The following ACVR1B variants were observed in gnomAD, a reference collection of about 807,000 sequenced individuals.
The protein encoded by ACVR1B is activin A receptor type 1B, also known as activin receptor type-1B.
A neutral mutation model predicts 55.6 loss-of-function variants in ACVR1B; 15 were observed. That is an observed-to-expected ratio of 0.27 (90% CI 0.18 to 0.42). The LOEUF (loss-of-function observed/expected upper bound fraction) is 0.42, where lower values mean the gene tolerates loss of function less well. Among genes scored for constraint, ACVR1B ranks in the 10% least tolerant of loss-of-function variants. The pLI, the probability that ACVR1B is intolerant of heterozygous loss-of-function variation, is 1.00. For missense variants in ACVR1B, 359 were observed against 670.1 expected (o/e 0.54, Z 5.13); for synonymous variants, 247 against 254.6 (o/e 0.97, Z 0.28).
chr12:51,966,756 G>A (rs1025004345), intron 1 of ACVR1B, among the ~76,000 whole-genome samples: 1 of 152,086 alleles, frequency 6.6e-6, no homozygotes, highest in African/African-American at 2.4e-5. Flanking sequence ...TCTTGGATCT[G>A]GGTTTGAGCC....
intron 2 of ACVR1B, among the ~76,000 whole-genome samples, chr12:51,976,014 A>T (rs1003662393): frequency 6.6e-6 from 1 of 152,180 alleles, no homozygotes; most frequent in Admixed American, 6.5e-5. Context: ...AGCTTAGAGG[A>T]GCTGTGGGAA....
At chr12:51,979,735 T>G (rs1189294819) in intron 3 of ACVR1B, among the ~76,000 whole-genome samples, 2 of 152,144 alleles carry the variant, frequency 1.3e-5, no homozygotes, top group African/African-American at 4.8e-5. Flanking sequence ...ACTGAAAGTT[T>G]CCATGTGGGA....
At chr12:51,992,563 AC>A (rs1433470806) in intron 8 of ACVR1B, among the ~76,000 whole-genome samples, 1 of 152,230 alleles carries the variant, frequency 6.6e-6, no homozygotes, top group Non-Finnish European at 1.5e-5. Flanking sequence ...TCAACAAGTG[AC>A]AACTGAACCC....
intron 7 of ACVR1B, among the ~76,000 whole-genome samples, chr12:51,988,194 G>A (rs1383254520): frequency 2.0e-5 from 3 of 152,208 alleles, no homozygotes; most frequent in Non-Finnish European, 4.4e-5. Context: ...AAGAGGCCAG[G>A]CGCAGTGGCT....
At chr12:51,955,737 T>C (rs1253834385) in intron 1 of ACVR1B, among the ~76,000 whole-genome samples, 1 of 152,302 alleles carries the variant, frequency 6.6e-6, no homozygotes, top group East Asian at 1.9e-4. Flanking sequence ...TTAATCTCAT[T>C]TTCCTCTCTG....
chr12:51,970,224 G>T (rs569710038), intron 1 of ACVR1B, among the ~76,000 whole-genome samples: 3 of 152,336 alleles, frequency 2.0e-5, no homozygotes, highest in African/African-American at 7.2e-5. Context: ...CTGGCTCTGT[G>T]TGCCAAGTGT....
At chr12:51,985,149 T>G (rs74093024) in intron 5 of ACVR1B, 43 bp from the exon 6 acceptor site, 2 of 1,569,594 alleles carry the variant, frequency 1.3e-6, no homozygotes, top group Non-Finnish European at 1.7e-6. Flanking sequence ...TTTTAACATT[T>G]ATATCATCTC....
intron 1 of ACVR1B, among the ~76,000 whole-genome samples, chr12:51,967,213 C>CT (rs1259887550): frequency 6.6e-6 from 1 of 151,568 alleles, no homozygotes; most frequent in Non-Finnish European, 1.5e-5. Context: ...GCACTCCAGC[C>CT]TGGGCGACAG....
At chr12:51,989,194 A>G (rs1193706475) in intron 7 of ACVR1B, among the ~76,000 whole-genome samples, 2 of 152,190 alleles carry the variant, frequency 1.3e-5, no homozygotes, top group Non-Finnish European at 2.9e-5. Flanking sequence ...AAAAGAAAAA[A>G]AATTGTCTCA....
chr12:51,982,686 C>T, intron 4 of ACVR1B: 1 of 1,525,190 alleles, frequency 6.6e-7, no homozygotes, highest in Non-Finnish European at 8.8e-7. Flanking sequence ...GAAACAACAG[C>T]AGACTGCTCA....
In ACVR1B at chr12:51,995,931, C is replaced by T. The variant is rs1239387537; in HGVS notation, c.*1821C>T. On this transcript the variant is annotated 3_prime_UTR_variant, in exon 9 of 9. Coordinates refer to ENST00000257963, the MANE Select transcript of ACVR1B (RefSeq NM_004302.5). ...TATTCAACAAATGTGGGTGAAGTGCCTGCTGGGTGCCAGGTGCTGGGAATA... is the reference window on the plus strand; with the variant it reads ...TATTCAACAAATGTGGGTGAAGTGCTTGCTGGGTGCCAGGTGCTGGGAATA... 6.5e-6 allele frequency: 1 copy of T among 152,708 alleles called. No homozygotes were observed. The highest frequency in any genetic ancestry group is 1.5e-5 in the Non-Finnish European group (1 of 68,134). The allele number at this position is 152,708 out of a possible 1,614,324, so 9.5% of individuals were successfully genotyped here. A position where few individuals can be genotyped will look rare whatever the true frequency, so the allele number is the denominator to read the frequency against.
chr12:51,961,753 A>G (rs1322861979), intron 1 of ACVR1B, among the ~76,000 whole-genome samples: 2 of 152,258 alleles, frequency 1.3e-5, no homozygotes, highest in African/African-American at 4.8e-5. Flanking sequence ...AAGTATGTTT[A>G]TTCAGACTCA....
Position 51,994,157 on chromosome 12 carries a change from C to G in ACVR1B, c.*47C>G. On this transcript the variant is annotated 3_prime_UTR_variant, in exon 9 of 9. Transcript: ENST00000257963. The surrounding 1 kb of genome is among the most constrained non-coding windows in gnomAD (Gnocchi z 4.2). ...AGCTCCTGGCAGCGAGAACTACGCACAGCTGCCGCGTTGAGCGTACGATGG... is the reference window on the plus strand; with the variant it reads ...AGCTCCTGGCAGCGAGAACTACGCAGAGCTGCCGCGTTGAGCGTACGATGG... 3 of 1,604,440 alleles carry G rather than the reference C, an allele frequency of 1.9e-6. No homozygotes were observed. Among genetic ancestry groups the G allele is most frequent in the Non-Finnish European group, 2.5e-6 (3 of 1,178,118 alleles).
intron 1 of ACVR1B, among the ~76,000 whole-genome samples, 189 bp from the exon 2 acceptor site, chr12:51,975,076 C>G (rs1386933248): frequency 6.6e-6 from 1 of 152,176 alleles, no homozygotes; most frequent in African/African-American, 2.4e-5. Context: ...AGTGGAGCTT[C>G]AAAAGCCTTG....
intron 3 of ACVR1B, among the ~76,000 whole-genome samples, chr12:51,977,405 C>G (rs991308912): frequency 6.6e-6 from 1 of 152,122 alleles, no homozygotes; most frequent in Non-Finnish European, 1.5e-5. Flanking sequence ...TCAAGTGATT[C>G]TCCTGCCTCA....
intron 1 of ACVR1B, chr12:51,953,349 G>A (rs1941347259): frequency 7.1e-6 from 7 of 985,326 alleles, no homozygotes; most frequent in Non-Finnish European, 8.4e-6. Context: ...CAGTGGTGGA[G>A]CCTGTGCAGC....
In ACVR1B at chr12:51,975,584, C is replaced by T. The variant is rs1248338957; in HGVS notation, c.331+80C>T. On this transcript the variant is annotated intron_variant, in intron 2 of 8. Coordinates refer to ENST00000257963, the MANE Select transcript of ACVR1B (RefSeq NM_004302.5). ...TCATTTCATTTTTTTCTACTCTTGCCCACTCACTTGGTTTGACGATAAAGA... is the reference window on the plus strand; with the variant it reads ...TCATTTCATTTTTTTCTACTCTTGCTCACTCACTTGGTTTGACGATAAAGA... The T allele has an allele frequency of 2.6e-6, 4 of 1,529,460 alleles. No individual in the cohort carries two copies. The African/African-American group carries it at 5.5e-5, about 21-fold the overall frequency. The allele number at this position is 1,529,460 out of a possible 1,614,324, so 94.7% of individuals were successfully genotyped here. A position where few individuals can be genotyped will look rare whatever the true frequency, so the allele number is the denominator to read the frequency against.
intron 1 of ACVR1B, among the ~76,000 whole-genome samples, chr12:51,961,845 C>T (rs1269587780): frequency 1.3e-5 from 2 of 152,196 alleles, no homozygotes; most frequent in African/African-American, 4.8e-5. Context: ...CTAAATATGA[C>T]AGCTGAGTCT....
At chr12:51,968,957 G>A (rs765639677) in intron 1 of ACVR1B, among the ~76,000 whole-genome samples, 2 of 152,112 alleles carry the variant, frequency 1.3e-5, no homozygotes. Context: ...TTTCTGGTCC[G>A]AACATTTTGG....
Sources: allele counts gnomAD v4.1 joint callset (sites outside exome capture counted in the v4.1 genomes callset), GRCh38; gene constraint gnomAD v4.1.1; non-coding constraint Gnocchi (gnomAD v3.1); transcripts MANE v1.5; gene names NCBI Gene and HGNC (gene_info 2026-07-23, HGNC 2026-07-21).